PRSS3: variants seen among roughly 807,000 people sequenced by gnomAD.
PRSS3 encodes trypsin-3.
A neutral mutation model predicts 20.8 loss-of-function variants in PRSS3; 14 were observed. The observed-to-expected ratio is 0.67, with a 90% confidence interval of 0.44 to 1.05. PRSS3 has a LOEUF of 1.05. PRSS3 is among the 50% of genes least tolerant of loss of function. The probability of loss-of-function intolerance (pLI) is 0.00; values close to 1 mark genes in which losing one functional copy is unlikely to be tolerated. For missense variants in PRSS3, 237 were observed against 306.4 expected, an observed-to-expected ratio of 0.77 and a Z score of 1.69; for synonymous variants, 91 against 117.6, an observed-to-expected ratio of 0.77 and a Z score of 1.46.
intron 1 of PRSS3, among the ~76,000 whole-genome samples, chr9:33,787,734 C>G (rs1379552920): frequency 6.6e-6 from 1 of 152,156 alleles, no homozygotes; most frequent in Non-Finnish European, 1.5e-5. Flanking sequence ...TCCTGACATT[C>G]CCCAGTAAGA....
intron 1 of PRSS3, among the ~76,000 whole-genome samples, chr9:33,782,650 A>G (rs1824233621): frequency 6.6e-6 from 1 of 152,226 alleles, no homozygotes; most frequent in South Asian, 2.1e-4. Context: ...TAGAAAATAC[A>G]CATTAAAACC....
intron 1 of PRSS3, 26 bp from the exon 2 acceptor site, chr9:33,796,617 C>T: frequency 1.9e-6 from 3 of 1,613,762 alleles, no homozygotes; most frequent in Non-Finnish European, 2.5e-6. Flanking sequence ...ACTGACTTGC[C>T]TTCTCCCTTC....
intron 1 of PRSS3, among the ~76,000 whole-genome samples, chr9:33,789,677 G>C (rs901631137): frequency 7.9e-5 from 12 of 152,120 alleles, no homozygotes; most frequent in African/African-American, 2.9e-4. Flanking sequence ...TGGGTTCAGT[G>C]CTAGCTTACC....
At chr9:33,775,177 A>G (rs1823868180) in intron 1 of PRSS3, among the ~76,000 whole-genome samples, 1 of 152,214 alleles carries the variant, frequency 6.6e-6, no homozygotes, top group African/African-American at 2.4e-5. Context: ...AAAATTGAGC[A>G]GCATTTATTC....
rs535275774 is a variant in PRSS3, at chr9:33,798,079, G to A, written c.451G>A (p.Gly151Ser). ...ISGWGNTLSF[G>S]ADYPDELKCL... ...CGGCTGGGGCAACACTCTGAGCTTT[G>A]GTGGTGAGTGGGACCCTTTGTCCTT... The change falls in exon 3 of 5, where the codon GGT becomes AGT. Residue 151 changes from glycine to serine, a missense_variant. Physicochemically the swap from Gly to Ser is moderately conservative, Grantham distance 56. Transcript: ENST00000379405. 31 of 1,614,164 alleles carry A rather than the reference G, an allele frequency of 1.9e-5. No individual in the cohort carries two copies. The South Asian group carries it at 2.2e-4, about 11-fold the overall frequency.
intron 2 of PRSS3, among the ~76,000 whole-genome samples, chr9:33,797,065 C>T (rs563655298): frequency 6.6e-6 from 1 of 152,330 alleles, no homozygotes; most frequent in East Asian, 1.9e-4. Flanking sequence ...GTTAGCTACA[C>T]ATTAAAGCGA....
At chr9:33,794,647 A>T, upstream of PRSS3, 1 of 1,392,398 alleles carries the variant, frequency 7.2e-7, no homozygotes, top group African/African-American at 1.5e-5. Context: ...ACCCAGATTT[A>T]CCATGGTCCA....
chr9:33,760,378 A>T (rs1389037963), intron 1 of PRSS3, among the ~76,000 whole-genome samples: 1 of 152,092 alleles, frequency 6.6e-6, no homozygotes, highest in Admixed American at 6.6e-5. Context: ...TGATGTATTA[A>T]TGAGGAGCAA....
At chr9:33,755,826 A>G (rs889843050) in intron 1 of PRSS3, among the ~76,000 whole-genome samples, 2 of 152,180 alleles carry the variant, frequency 1.3e-5, no homozygotes, top group African/African-American at 2.4e-5. Context: ...GTGGGGAGGA[A>G]AAGCCAGGCT....
intron 1 of PRSS3, among the ~76,000 whole-genome samples, chr9:33,772,972 C>T (rs1563960838): frequency 6.6e-6 from 1 of 152,144 alleles, no homozygotes; most frequent in Non-Finnish European, 1.5e-5. Context: ...TCCTGCTTTC[C>T]CCCCTCTAAA....
chr9:33,752,708 C>A (rs1402375145), intron 1 of PRSS3, among the ~76,000 whole-genome samples: 1 of 152,214 alleles, frequency 6.6e-6, no homozygotes, highest in Non-Finnish European at 1.5e-5. Flanking sequence ...TAGAAACAAA[C>A]ACAAAGAGAC....
intron 1 of PRSS3, among the ~76,000 whole-genome samples, chr9:33,789,554 A>C (rs564303636): frequency 6.6e-6 from 1 of 152,266 alleles, no homozygotes; most frequent in South Asian, 2.1e-4. Flanking sequence ...TTTATGAAGG[A>C]GTGATTCCTA....
At chr9:33,756,260 C>T (rs531549670) in intron 1 of PRSS3, among the ~76,000 whole-genome samples, 2 of 152,252 alleles carry the variant, frequency 1.3e-5, no homozygotes, top group East Asian at 3.9e-4. Context: ...TGTTGAGAAG[C>T]TGATGCCATT....
intron 1 of PRSS3, among the ~76,000 whole-genome samples, chr9:33,784,138 C>T (rs1014608158): frequency 6.6e-6 from 1 of 151,936 alleles, no homozygotes; most frequent in African/African-American, 2.4e-5. Context: ...CTAGAGACTA[C>T]TGCAGTTTGA....
At chr9:33,787,975 A>C (rs1395844074) in intron 1 of PRSS3, among the ~76,000 whole-genome samples, 1 of 152,214 alleles carries the variant, frequency 6.6e-6, no homozygotes, top group East Asian at 1.9e-4. Context: ...TCCAGGGTGG[A>C]TGAAATCTTG....
At chr9:33,769,032 T>C (rs1418807905) in intron 1 of PRSS3, among the ~76,000 whole-genome samples, 3 of 152,158 alleles carry the variant, frequency 2.0e-5, no homozygotes, top group African/African-American at 7.2e-5. Context: ...GACCTTGTTA[T>C]ACAGTGGCAA....
At chr9:33,767,630 C>G (rs1035638179) in intron 1 of PRSS3, among the ~76,000 whole-genome samples, 5 of 152,146 alleles carry the variant, frequency 3.3e-5, no homozygotes, top group Admixed American at 3.3e-4. Flanking sequence ...TCCAGACCAG[C>G]CTGGCCAACA....
chr9:33,787,326 A>C lies in PRSS3; in HGVS notation c.-52-7420A>C, dbSNP rs574585804. ...AATTATAAAGCCCTCTAGATGCCTC[A>C]GTATGACAATATGACACATGCATCC... On this transcript the variant is annotated intron_variant, in intron 1 of 5. Transcript: ENST00000342836. Among the ~76,000 whole-genome samples, 9 of 152,338 alleles carry C rather than the reference A, an allele frequency of 5.9e-5. 1 individual carries two copies. Among genetic ancestry groups the C allele is most frequent in the Admixed American group, 5.9e-4 (9 of 15,308 alleles).
chr9:33,750,850 A>G lies in PRSS3; in HGVS notation c.-53+123A>G. On this transcript the variant is annotated intron_variant, in intron 1 of 5. Transcript: ENST00000342836. The surrounding 1 kb of genome is among the most constrained non-coding windows in gnomAD (Gnocchi z 4.8). ...CCGACTCGCATGGGACCTGCGGGGG[A>G]GGGTACGCGGACAGGGAGGGGATAC... 1.5e-6 allele frequency: 2 copies of G among 1,379,128 alleles called. No homozygotes were observed. Among genetic ancestry groups the G allele is most frequent in the Non-Finnish European group, 1.9e-6 (2 of 1,073,012 alleles). 85.4% of individuals were successfully genotyped at this position (1,379,128 alleles called of 1,614,324 possible). A position where few individuals can be genotyped will look rare whatever the true frequency, so the allele number is the denominator to read the frequency against.
Sources: allele counts gnomAD v4.1 joint callset (sites outside exome capture counted in the v4.1 genomes callset), GRCh38; gene constraint gnomAD v4.1.1; non-coding constraint Gnocchi (gnomAD v3.1); transcripts MANE v1.5; gene names NCBI Gene and HGNC (gene_info 2026-07-23, HGNC 2026-07-21).